CPS1: variants seen among roughly 807,000 people sequenced by gnomAD.
The protein encoded by CPS1 is carbamoyl-phosphate synthase 1.
In CPS1, 109 loss-of-function variants were observed where a neutral mutation model predicts 174.6. The ratio of observed to expected loss-of-function variants is 0.62; its 90% CI spans 0.53 to 0.73. The LOEUF (loss-of-function observed/expected upper bound fraction) is 0.73, where lower values mean the gene tolerates loss of function less well. Among genes scored for constraint, CPS1 ranks in the 30% least tolerant of loss-of-function variants. The pLI is 0.00. For missense variants in CPS1, 1,689 were observed against 1,821.9 expected, an observed-to-expected ratio of 0.93 and a Z score of 1.33; for synonymous variants, 637 against 632.0, an observed-to-expected ratio of 1.01 and a Z score of -0.12.
chr2:210,594,371 G>C, intron 11 of CPS1, 137 bp from the exon 12 acceptor site: 1 of 658,338 alleles, frequency 1.5e-6, no homozygotes, highest in Non-Finnish European at 2.7e-6. Flanking sequence ...TGACAAAAAA[G>C]CAAAAAAAGC....
intron 1 of CPS1, among the ~76,000 whole-genome samples, chr2:210,562,794 C>CAATACCAT (rs1553507807): frequency 6.6e-6 from 1 of 151,300 alleles, no homozygotes; most frequent in Non-Finnish European, 1.5e-5. Flanking sequence ...GATTCAACAG[C>CAATACCAT]AATACCATAA....
chr2:210,564,694 A>G (rs1403983985), intron 1 of CPS1, among the ~76,000 whole-genome samples: 1 of 152,148 alleles, frequency 6.6e-6, no homozygotes, highest in Non-Finnish European at 1.5e-5. Context: ...TCATTTTAAA[A>G]GTAATATAGG....
At chr2:210,593,780 TTA>T (rs1225728772) in intron 11 of CPS1, 15 of 570,414 alleles carry the variant, frequency 2.6e-5, no homozygotes, top group Non-Finnish European at 3.1e-5. Context: ...TGTTTTAATA[TTA>T]TTAGGAAATA....
intron 1 of CPS1, among the ~76,000 whole-genome samples, chr2:210,564,516 C>T (rs1321970406): frequency 7.9e-5 from 12 of 152,186 alleles, no homozygotes; most frequent in Middle Eastern, 3.4e-3. Context: ...GCTGGGACTA[C>T]AGGTGCCTGC....
chr2:210,494,630 CA>C (rs1694946867), intron 1 of CPS1, among the ~76,000 whole-genome samples: 1 of 151,858 alleles, frequency 6.6e-6, no homozygotes, highest in African/African-American at 2.4e-5. Flanking sequence ...TAAATGAATG[CA>C]AAAAATAGTA....
At chr2:210,528,118 G>C (rs1242866587) in intron 1 of CPS1, among the ~76,000 whole-genome samples, 1 of 151,782 alleles carries the variant, frequency 6.6e-6, no homozygotes, top group Non-Finnish European at 1.5e-5. Flanking sequence ...TGTTTGTGGA[G>C]ACTTGAAGTA....
chr2:210,644,904 T>G (rs1275166951), intron 25 of CPS1, among the ~76,000 whole-genome samples: 1 of 148,956 alleles, frequency 6.7e-6, no homozygotes, highest in East Asian at 1.9e-4. Context: ...TTAATGGAAT[T>G]TTGGGAGCTT....
chr2:210,611,999 TATGATATA>T, intron 19 of CPS1, 110 bp from the exon 20 acceptor site: 1 of 921,954 alleles, frequency 1.1e-6, no homozygotes, highest in Non-Finnish European at 1.7e-6. Flanking sequence ...TGAGAGGCTT[TATGATATA>T]TTTTTTGTTC....
intron 22 of CPS1, among the ~76,000 whole-genome samples, chr2:210,638,896 C>T (rs913884277): frequency 1.3e-5 from 2 of 152,234 alleles, no homozygotes; most frequent in African/African-American, 4.8e-5. Context: ...GACCACTTTG[C>T]GATGTTCATG....
At chr2:210,541,621 T>C (rs1696434677) in intron 1 of CPS1, among the ~76,000 whole-genome samples, 1 of 152,276 alleles carries the variant, frequency 6.6e-6, no homozygotes, top group East Asian at 1.9e-4. Context: ...AAGGCCACAT[T>C]AGTACTATTA....
intron 5 of CPS1, among the ~76,000 whole-genome samples, chr2:210,582,288 C>A (rs371737563): frequency 6.6e-6 from 1 of 151,908 alleles, no homozygotes; most frequent in Admixed American, 6.6e-5. Context: ...AGGTCATATA[C>A]GCTGAGTAGT....
intron 5 of CPS1, 60 bp from the exon 6 acceptor site, chr2:210,582,557 A>G (rs1264037996): frequency 7.8e-7 from 1 of 1,282,368 alleles, no homozygotes. Flanking sequence ...CTGTGAGTTT[A>G]TCTTGTCAAC....
intron 16 of CPS1, 132 bp downstream of exon 16, chr2:210,602,462 G>A (rs761477290): frequency 3.4e-5 from 40 of 1,184,546 alleles, no homozygotes; most frequent in East Asian, 1.5e-4. Context: ...CTCCAAAAGC[G>A]TATTCCAAAA....
At chr2:210,666,055 T>G (rs1220034376) in intron 33 of CPS1, among the ~76,000 whole-genome samples, 1 of 151,842 alleles carries the variant, frequency 6.6e-6, no homozygotes, top group East Asian at 1.9e-4. Context: ...GTGGTTTAGA[T>G]TTGCATTTCT....
chr2:210,663,049 T>C, intron 32 of CPS1, 74 bp from the exon 33 acceptor site: 1 of 1,386,146 alleles, frequency 7.2e-7, no homozygotes, highest in Non-Finnish European at 1.0e-6. Context: ...TTTGCTAATA[T>C]ATTTATCCTC....
intron 1 of CPS1, among the ~76,000 whole-genome samples, chr2:210,504,110 G>A (rs1384326822): frequency 6.6e-6 from 1 of 152,028 alleles, no homozygotes; most frequent in Admixed American, 6.6e-5. Flanking sequence ...CGCTTTTGGT[G>A]CCAGGATATA....
At chr2:210,543,426 C>G (rs999950106) in intron 1 of CPS1, among the ~76,000 whole-genome samples, 2 of 151,904 alleles carry the variant, frequency 1.3e-5, no homozygotes, top group African/African-American at 4.8e-5. Flanking sequence ...AGGAAGATAT[C>G]ATCAATTTCC....
At chr2:210,675,602 C>A in intron 35 of CPS1, 126 bp from the exon 36 acceptor site, 1 of 711,982 alleles carries the variant, frequency 1.4e-6, no homozygotes, top group South Asian at 1.5e-5. Flanking sequence ...GTCCAAGTCT[C>A]TATCCATGGC....
chr2:210,555,099 C>T (rs908068643), upstream of CPS1, among the ~76,000 whole-genome samples: 2 of 152,056 alleles, frequency 1.3e-5, no homozygotes, highest in Non-Finnish European at 2.9e-5. Flanking sequence ...CATTTTAAGG[C>T]ATACTAAGTC....
Sources: allele counts gnomAD v4.1 joint callset (sites outside exome capture counted in the v4.1 genomes callset), GRCh38; gene constraint gnomAD v4.1.1; transcripts MANE v1.5; gene names NCBI Gene and HGNC (gene_info 2026-07-23, HGNC 2026-07-21).